Variants in XXYLT1 observed in about 807,000 individuals in gnomAD.
XXYLT1 encodes the protein UDP-xylose:alpha-xyloside alpha-1,3-xylosyltransferase.
Under a neutral mutation model 28.9 loss-of-function variants are expected in XXYLT1, and 20 were observed. The observed-to-expected ratio is 0.69, with a 90% CI of 0.49 to 1.00. XXYLT1 has a LOEUF of 1.00. XXYLT1 is among the 50% of genes least tolerant of loss of function. The probability of loss-of-function intolerance (pLI) is 0.00; values close to 1 mark genes in which losing one functional copy is unlikely to be tolerated. For synonymous variants in XXYLT1, 257 were observed against 253.8 expected (o/e 1.01, Z -0.12); for missense variants, 542 against 560.1 (o/e 0.97, Z 0.33).
At chr3:195,160,723 C>T (rs533696042) in intron 2 of XXYLT1, among the ~76,000 whole-genome samples, 3 of 152,310 alleles carry the variant, frequency 2.0e-5, no homozygotes, top group East Asian at 1.9e-4. Context: ...GGGACAGGCA[C>T]GGTCCCCCTG....
At chr3:195,112,193 A>G (rs1047961480) in intron 3 of XXYLT1, among the ~76,000 whole-genome samples, 1 of 152,200 alleles carries the variant, frequency 6.6e-6, no homozygotes, top group African/African-American at 2.4e-5. Flanking sequence ...GCTTGCTGAC[A>G]TCTCAGCGAC....
intron 2 of XXYLT1, among the ~76,000 whole-genome samples, chr3:195,190,613 T>C (rs2108751034): frequency 6.6e-6 from 1 of 151,816 alleles, no homozygotes; most frequent in South Asian, 2.1e-4. Flanking sequence ...TTTAAATATA[T>C]GTACTAATAT....
rs1037177245 is a variant in XXYLT1, at chr3:195,271,149, G to A, written c.-91C>T. The A allele has an allele frequency of 8.0e-7, 1 of 1,253,414 alleles. No homozygotes were observed. Among genetic ancestry groups the A allele is most frequent in the African/African-American group, 1.6e-5 (1 of 63,420 alleles). 77.6% of individuals were successfully genotyped at this position (1,253,414 alleles called of 1,614,324 possible). A position where few individuals can be genotyped will look rare whatever the true frequency, so the allele number is the denominator to read the frequency against. On this transcript the variant is annotated 5_prime_UTR_variant, in exon 1 of 4. Coordinates refer to ENST00000310380, the MANE Select transcript of XXYLT1 (RefSeq NM_152531.5). ...GGCGGCCACTTAGCCCCGGCGCCAG[G>A]CGGCGGCCATGAAAGGGGCGGGGCC... is the stretch of plus-strand genomic sequence containing the variant.
intron 2 of XXYLT1, among the ~76,000 whole-genome samples, chr3:195,165,371 A>G (rs1288317942): frequency 6.6e-6 from 1 of 152,106 alleles, no homozygotes; most frequent in Admixed American, 6.5e-5. Context: ...GAAAGGGCAA[A>G]TAGGACCAGG....
intron 2 of XXYLT1, chr3:195,175,793 G>T: frequency 6.7e-7 from 1 of 1,485,048 alleles, no homozygotes; most frequent in South Asian, 1.3e-5. Context: ...TGCTCCAGAT[G>T]GCGTCGTTAC....
chr3:195,225,418 C>T (rs1724007571), intron 2 of XXYLT1, among the ~76,000 whole-genome samples: 1 of 152,180 alleles, frequency 6.6e-6, no homozygotes, highest in Non-Finnish European at 1.5e-5. Context: ...CTTCAACTCT[C>T]AACTCCTGAG....
intron 1 of XXYLT1, among the ~76,000 whole-genome samples, chr3:195,244,840 G>A (rs1445142766): frequency 1.6e-5 from 2 of 127,844 alleles, no homozygotes; most frequent in Non-Finnish European, 3.3e-5. Context: ...TACAACATGA[G>A]ACTCTGTCTC....
chr3:195,128,654 A>G (rs1377742369), intron 3 of XXYLT1, among the ~76,000 whole-genome samples: 1 of 152,108 alleles, frequency 6.6e-6, no homozygotes, highest in African/African-American at 2.4e-5. Flanking sequence ...TTTCTTCCTG[A>G]CCAACTCCTG....
chr3:195,255,847 C>T lies in XXYLT1; in HGVS notation c.504+14708G>A, dbSNP rs1040049622. Among the ~76,000 whole-genome samples, 1 of 152,066 alleles carries T rather than the reference C, an allele frequency of 6.6e-6. No homozygotes were observed. Among genetic ancestry groups the T allele is most frequent in the African/African-American group, 2.4e-5 (1 of 41,408 alleles). ...ACCAGAGTCTGGACTCCCTCCAACC[C>T]AGACCTCTTCTGCAGCTAAATGAGG... On this transcript the variant is annotated intron_variant, in intron 1 of 3. Transcript: ENST00000310380. The surrounding 1 kb of genome is among the most constrained non-coding windows in gnomAD (Gnocchi z 4.5).
intron 3 of XXYLT1, among the ~76,000 whole-genome samples, chr3:195,107,244 C>A (rs546529318): frequency 6.6e-6 from 1 of 151,620 alleles, no homozygotes; most frequent in Non-Finnish European, 1.5e-5. Flanking sequence ...GAGGCCGAGG[C>A]GGGCGGATCA....
chr3:195,210,538 A>C lies in XXYLT1; in HGVS notation c.652+16171T>G, dbSNP rs58699597. Among the ~76,000 whole-genome samples the C allele has an allele frequency of 0.012, 1,894 of 152,242 alleles. 39 individuals are homozygous for C. The highest frequency in any genetic ancestry group is 0.043 in the African/African-American group (1,797 of 41,498). On this transcript the variant is annotated intron_variant, in intron 2 of 3. Coordinates refer to ENST00000310380, the MANE Select transcript of XXYLT1 (RefSeq NM_152531.5). This position sits in a 1 kb window ranked among gnomAD's most constrained non-coding sequence, Gnocchi z 4.8. ...AAAGAAGATCTTGACAAATTAAAAG[A>C]CAGAATCTAATGAAGGGGACCAAAA...
At position 195,177,930 on chromosome 3, in the gene XXYLT1, G is replaced by A. The variant is rs373922126; in HGVS notation, c.653-21349C>T. Among the ~76,000 whole-genome samples the A allele has an allele frequency of 2.4e-5, 3 of 126,158 alleles. No homozygotes were observed. The Admixed American group carries it at 2.5e-4, about 10-fold the overall frequency. The allele number at this position is 126,158 out of a possible 152,430, so 82.8% of individuals were successfully genotyped here. A position where few individuals can be genotyped will look rare whatever the true frequency, so the allele number is the denominator to read the frequency against. ...AGCCTGAGTGACAGAGCAAGGCTCT[G>A]TCTCTTAAAAAAAAAAAAAAAAAAA... is the stretch of plus-strand genomic sequence containing the variant. On this transcript the variant is annotated intron_variant, in intron 2 of 3. Transcript: ENST00000310380.
chr3:195,208,979 G>GTA (rs1231753035), intron 2 of XXYLT1, among the ~76,000 whole-genome samples: 1 of 152,180 alleles, frequency 6.6e-6, no homozygotes, highest in African/African-American at 2.4e-5. Flanking sequence ...CTGTGATTAA[G>GTA]GACTATGACA....
chr3:195,179,872 C>T (rs866496429), intron 2 of XXYLT1, among the ~76,000 whole-genome samples: 1 of 152,168 alleles, frequency 6.6e-6, no homozygotes, highest in East Asian at 1.9e-4. Context: ...AGCCAGGAAA[C>T]CTGCCCTGCG....
chr3:195,254,762 C>T (rs141660478), intron 1 of XXYLT1, among the ~76,000 whole-genome samples: 85 of 152,354 alleles, frequency 5.6e-4, no homozygotes, highest in African/African-American at 1.7e-3. Flanking sequence ...GCCTAAGGGT[C>T]CACCTAGCAC....
rs1724711612 is a variant in XXYLT1, at chr3:195,240,062, C to A, written c.505-13206G>T. Reference sequence around the variant, plus strand: ...TGCCTACTTTTATTTTTAATTACTTCTGCATCTAAATTCAGTAATGACTGA... The same window carrying A: ...TGCCTACTTTTATTTTTAATTACTTATGCATCTAAATTCAGTAATGACTGA... On this transcript the variant is annotated intron_variant, in intron 1 of 3. Coordinates refer to ENST00000310380, the MANE Select transcript of XXYLT1 (RefSeq NM_152531.5). This position sits in a 1 kb window ranked among gnomAD's most constrained non-coding sequence, Gnocchi z 4.7. Among the ~76,000 whole-genome samples the A allele has an allele frequency of 6.6e-6, 1 of 152,206 alleles. No homozygotes were observed. Among genetic ancestry groups the A allele is most frequent in the Non-Finnish European group, 1.5e-5 (1 of 68,048 alleles).
At chr3:195,138,566 G>C (rs531200767) in intron 3 of XXYLT1, among the ~76,000 whole-genome samples, 11 of 152,174 alleles carry the variant, frequency 7.2e-5, no homozygotes, top group African/African-American at 1.2e-4. Context: ...ATATAGAAAA[G>C]TGGGCTGGAG....
chr3:195,223,562 C>T (rs1364981836), intron 2 of XXYLT1, among the ~76,000 whole-genome samples: 1 of 152,218 alleles, frequency 6.6e-6, no homozygotes, highest in African/African-American at 2.4e-5. Flanking sequence ...CACAAAACAA[C>T]ACTCATTTCT....
rs917316648 is a variant in XXYLT1 at position 195,109,688 on chromosome 3, T to C, written c.786-39577A>G. On this transcript the variant is annotated intron_variant, in intron 3 of 3. Coordinates refer to ENST00000310380, the MANE Select transcript of XXYLT1 (RefSeq NM_152531.5). The stretch of plus-strand genomic sequence containing the variant: ...GTGTGGTGTGTGTGTTGTATGAGTG[T>C]GTGTGGTGTCTGGTGTGTGTGGTGT... Among the ~76,000 whole-genome samples, 2 of 46,524 alleles carry C rather than the reference T, an allele frequency of 4.3e-5. 1 individual carries two copies. The allele number at this position is 46,524 out of a possible 152,430, so 30.5% of individuals were successfully genotyped here. A position where few individuals can be genotyped will look rare whatever the true frequency, so the allele number is the denominator to read the frequency against.
Sources: allele counts gnomAD v4.1 joint callset (sites outside exome capture counted in the v4.1 genomes callset), GRCh38; gene constraint gnomAD v4.1.1; non-coding constraint Gnocchi (gnomAD v3.1); transcripts MANE v1.5; gene names NCBI Gene and HGNC (gene_info 2026-07-23, HGNC 2026-07-21).